The following PDZRN3 variants were observed in gnomAD, a reference collection of about 807,000 sequenced individuals.
PDZRN3 encodes the protein E3 ubiquitin-protein ligase PDZRN3.
PDZRN3 carries 38 observed loss-of-function variants against 85.7 expected under a neutral mutation model. That is an observed-to-expected ratio of 0.44 (90% CI 0.34 to 0.58). PDZRN3 has a LOEUF of 0.58. Ranked by LOEUF, PDZRN3 falls within the 20% of genes least tolerant of loss-of-function variation. PDZRN3 has a pLI of 0.01. For synonymous variants in PDZRN3, 759 were observed against 638.0 expected, an observed-to-expected ratio of 1.19 and a Z score of -2.86; for missense variants, 1,629 against 1,506.4, an observed-to-expected ratio of 1.08 and a Z score of -1.35.
intron 3 of PDZRN3, among the ~76,000 whole-genome samples, chr3:73,512,008 G>T (rs1276833275): frequency 6.6e-6 from 1 of 152,254 alleles, no homozygotes; most frequent in Non-Finnish European, 1.5e-5. Flanking sequence ...TACACTTGCA[G>T]AAGTTAACGC....
intron 3 of PDZRN3, among the ~76,000 whole-genome samples, chr3:73,502,471 CA>C (rs1417116488): frequency 6.6e-6 from 1 of 152,130 alleles, no homozygotes; most frequent in Non-Finnish European, 1.5e-5. Context: ...TTAAGGCCAC[CA>C]ACAACTAAAA....
chr3:73,562,128 T>G (rs116795330), intron 3 of PDZRN3, among the ~76,000 whole-genome samples: 1 of 152,252 alleles, frequency 6.6e-6, no homozygotes, highest in East Asian at 1.9e-4. Context: ...CCCATTACAC[T>G]CACATGTACA....
chr3:73,387,125 C>G (rs1248291979), intron 8 of PDZRN3, among the ~76,000 whole-genome samples: 1 of 152,208 alleles, frequency 6.6e-6, no homozygotes, highest in African/African-American at 2.4e-5. Context: ...TTGCCTTCCA[C>G]CATGATTGTG....
At chr3:73,464,750 A>G (rs1001325971) in intron 3 of PDZRN3, among the ~76,000 whole-genome samples, 14 of 152,220 alleles carry the variant, frequency 9.2e-5, no homozygotes, top group African/African-American at 3.1e-4. Context: ...TTATTGACAG[A>G]TAAGATTGTA....
At chr3:73,502,914 C>CT (rs1267284339) in intron 3 of PDZRN3, among the ~76,000 whole-genome samples, 1 of 152,178 alleles carries the variant, frequency 6.6e-6, no homozygotes, top group Non-Finnish European at 1.5e-5. Flanking sequence ...ACACAAAATA[C>CT]TTTCTACAAG....
chr3:73,548,616 C>T (rs1048734745), intron 3 of PDZRN3, among the ~76,000 whole-genome samples: 5 of 152,190 alleles, frequency 3.3e-5, no homozygotes, highest in Non-Finnish European at 5.9e-5. Flanking sequence ...CCTTTTCACA[C>T]AAGCATTTAT....
At chr3:73,414,209 T>A (rs1702031739) in intron 3 of PDZRN3, among the ~76,000 whole-genome samples, 1 of 152,198 alleles carries the variant, frequency 6.6e-6, no homozygotes, top group African/African-American at 2.4e-5. Flanking sequence ...GAAAGCAAAT[T>A]TTGAAAAATG....
At chr3:73,392,643 T>C (rs555163579) in intron 5 of PDZRN3, among the ~76,000 whole-genome samples, 23 of 152,308 alleles carry the variant, frequency 1.5e-4, no homozygotes, top group Non-Finnish European at 3.1e-4. Flanking sequence ...GCAGGTATGG[T>C]TACTTCCCTG....
chr3:73,596,012 G>A (rs1216616619), intron 3 of PDZRN3, among the ~76,000 whole-genome samples: 3 of 152,050 alleles, frequency 2.0e-5, no homozygotes, highest in Admixed American at 2.0e-4. Flanking sequence ...TGAAGCTAGA[G>A]GTCCTTGAAA....
intron 3 of PDZRN3, among the ~76,000 whole-genome samples, chr3:73,571,271 C>G (rs887640932): frequency 6.6e-6 from 1 of 152,000 alleles, no homozygotes; most frequent in Admixed American, 6.5e-5. Context: ...TTCTCCATAT[C>G]CAGTGGTGAG....
At chr3:73,543,253 G>T (rs1312488851) in intron 3 of PDZRN3, among the ~76,000 whole-genome samples, 18 of 152,182 alleles carry the variant, frequency 1.2e-4, no homozygotes. Context: ...GGCCAGCACT[G>T]GGGTGTGAGC....
At chr3:73,420,659 C>T (rs1702182048) in intron 3 of PDZRN3, among the ~76,000 whole-genome samples, 2 of 152,142 alleles carry the variant, frequency 1.3e-5, no homozygotes, top group African/African-American at 4.8e-5. Context: ...AACTGTCCCC[C>T]AAGAGACTTT....
At chr3:73,619,493 T>C (rs544125328) in intron 1 of PDZRN3, among the ~76,000 whole-genome samples, 4 of 152,262 alleles carry the variant, frequency 2.6e-5, no homozygotes, top group African/African-American at 4.8e-5. Context: ...GAAAGAACCA[T>C]TGTCTAGTGA....
intron 3 of PDZRN3, among the ~76,000 whole-genome samples, chr3:73,423,383 A>T (rs1006289722): frequency 6.6e-6 from 1 of 152,238 alleles, no homozygotes; most frequent in African/African-American, 2.4e-5. Context: ...TGTTATGGTA[A>T]ACTGCTTAAC....
intron 3 of PDZRN3, among the ~76,000 whole-genome samples, chr3:73,549,723 C>T (rs1180767541): frequency 6.6e-6 from 1 of 152,194 alleles, no homozygotes; most frequent in East Asian, 1.9e-4. Context: ...GCAGTACATT[C>T]TACTGTTAAA....
chr3:73,562,644 C>G (rs1304437957), intron 3 of PDZRN3, among the ~76,000 whole-genome samples: 1 of 152,064 alleles, frequency 6.6e-6, no homozygotes, highest in East Asian at 1.9e-4. Context: ...AGTGCAAATG[C>G]TTCTGAAGCT....
Position 73,583,169 on chromosome 3 carries a change from T to C in PDZRN3, c.918+19185A>G, listed in dbSNP as rs137976398. Among the ~76,000 whole-genome samples the C allele has an allele frequency of 4.6e-5, 7 of 152,306 alleles. No individual in the cohort carries two copies. In the East Asian group the frequency reaches 9.7e-4, roughly 21 times the overall value. On this transcript the variant is annotated intron_variant, in intron 3 of 9. Transcript: ENST00000263666. The stretch of plus-strand genomic sequence containing the variant: ...AAATCAGCACACCTACCTTATGAGA[T>C]AGAAACTGTCGTGCTCATTTTTCAG...
chr3:73,483,645 T>C (rs1253984998), intron 3 of PDZRN3, among the ~76,000 whole-genome samples: 3 of 152,178 alleles, frequency 2.0e-5, no homozygotes, highest in Non-Finnish European at 4.4e-5. Flanking sequence ...GTAGATAATA[T>C]GAAATCTAGA....
intron 3 of PDZRN3, among the ~76,000 whole-genome samples, chr3:73,481,901 C>T (rs1050752903): frequency 7.2e-5 from 11 of 152,042 alleles, no homozygotes; most frequent in African/African-American, 2.7e-4. Flanking sequence ...AAACAGAAAC[C>T]ATCCCTTCGC....
Sources: allele counts gnomAD v4.1 joint callset (sites outside exome capture counted in the v4.1 genomes callset), GRCh38; gene constraint gnomAD v4.1.1; transcripts MANE v1.5; gene names NCBI Gene and HGNC (gene_info 2026-07-23, HGNC 2026-07-21).